Variants in PDSS2 observed in about 807,000 individuals in gnomAD.
PDSS2 encodes the protein decaprenyl diphosphate synthase subunit 2.
In PDSS2, 31 loss-of-function variants were observed where a neutral mutation model predicts 44.5. The observed-to-expected ratio is 0.70, with a 90% confidence interval of 0.52 to 0.94. The LOEUF (loss-of-function observed/expected upper bound fraction) is 0.94. Ranked by LOEUF, PDSS2 falls within the 40% of genes least tolerant of loss-of-function variation. The pLI is 0.00. For synonymous variants in PDSS2, 157 were observed against 180.3 expected (o/e 0.87, Z 1.03); for missense variants, 452 against 482.2 (o/e 0.94, Z 0.59).
chr6:107,419,121 A>AT (rs1003724947), intron 1 of PDSS2, among the ~76,000 whole-genome samples: 2 of 151,704 alleles, frequency 1.3e-5, no homozygotes, highest in East Asian at 3.9e-4. Flanking sequence ...CTCAAATATC[A>AT]TTTTTTTTAA....
At chr6:107,379,958 T>G (rs866626656) in intron 1 of PDSS2, among the ~76,000 whole-genome samples, 4 of 151,592 alleles carry the variant, frequency 2.6e-5, no homozygotes, top group South Asian at 2.1e-4. Context: ...CTATTATCAG[T>G]TTTTTTTGAA....
intron 3 of PDSS2, among the ~76,000 whole-genome samples, chr6:107,253,090 C>T (rs927437895): frequency 5.9e-5 from 9 of 152,206 alleles, no homozygotes; most frequent in African/African-American, 1.2e-4. Flanking sequence ...GGCTGGAGTG[C>T]GGTGGCTTGA....
At chr6:107,311,414 C>T (rs954700125) in intron 2 of PDSS2, among the ~76,000 whole-genome samples, 1 of 151,900 alleles carries the variant, frequency 6.6e-6, no homozygotes, top group Admixed American at 6.6e-5. Context: ...CATTATGTTG[C>T]CCAGGCTAGT....
chr6:107,244,843 A>T (rs1774555018), intron 4 of PDSS2, among the ~76,000 whole-genome samples: 1 of 152,210 alleles, frequency 6.6e-6, no homozygotes. Context: ...ATAATGAAAC[A>T]CTAAGATAGG....
intron 1 of PDSS2, among the ~76,000 whole-genome samples, chr6:107,448,959 C>T (rs1781777373): frequency 6.6e-6 from 1 of 152,156 alleles, no homozygotes; most frequent in African/African-American, 2.4e-5. Context: ...GAAAACTACC[C>T]CCATGATTCA....
In PDSS2 at chr6:107,242,258, A is replaced by AATT. The variant is rs564020485; in HGVS notation, c.702+3287_702+3289dup. Among the ~76,000 whole-genome samples the AATT allele has an allele frequency of 6.6e-4, 100 of 151,736 alleles. 1 individual carries two copies. In the East Asian group the frequency reaches 7.4e-3, roughly 11 times the overall value. On this transcript the variant is annotated intron_variant, in intron 4 of 7. Transcript: ENST00000369037. The stretch of plus-strand genomic sequence containing the variant: ...TTTTTGTTTCCATTCTTTTTGAAAA[A>AATT]ATTATTATTATTATTATTATTTTGA...
chr6:107,432,189 G>A (rs778876645), intron 1 of PDSS2, among the ~76,000 whole-genome samples: 7 of 152,148 alleles, frequency 4.6e-5, no homozygotes, highest in Admixed American at 1.3e-4. Flanking sequence ...ATTTTTCACT[G>A]GGTAATCAAC....
intron 1 of PDSS2, among the ~76,000 whole-genome samples, chr6:107,380,911 C>A (rs1779435462): frequency 6.6e-6 from 1 of 152,188 alleles, no homozygotes; most frequent in African/African-American, 2.4e-5. Flanking sequence ...TACTTTTCTA[C>A]TATTTCTTTC....
At chr6:107,210,806 C>A (rs201738130) in intron 5 of PDSS2, among the ~76,000 whole-genome samples, 1 of 151,742 alleles carries the variant, frequency 6.6e-6, no homozygotes, top group Non-Finnish European at 1.5e-5. Flanking sequence ...GAGTTTGAGA[C>A]CAGCCTGGTC....
At chr6:107,274,442 A>C (rs1185408930) in intron 2 of PDSS2, among the ~76,000 whole-genome samples, 1 of 151,716 alleles carries the variant, frequency 6.6e-6, no homozygotes, top group East Asian at 1.9e-4. Flanking sequence ...AATACTCCTC[A>C]CTCTTCCCCA....
At chr6:107,291,344 T>C (rs1275925058) in intron 2 of PDSS2, among the ~76,000 whole-genome samples, 10 of 114,456 alleles carry the variant, frequency 8.7e-5, no homozygotes, top group Non-Finnish European at 1.4e-4. Context: ...GATTTTATTT[T>C]ATAATTTTTT....
intron 7 of PDSS2, among the ~76,000 whole-genome samples, chr6:107,167,319 G>A (rs1771388465): frequency 6.6e-6 from 1 of 152,150 alleles, no homozygotes; most frequent in Non-Finnish European, 1.5e-5. Flanking sequence ...GGGATCAGTG[G>A]TGATATTCCC....
chr6:107,412,034 C>T (rs1414080891), intron 1 of PDSS2, among the ~76,000 whole-genome samples: 3 of 151,156 alleles, frequency 2.0e-5, no homozygotes, highest in Non-Finnish European at 4.4e-5. Flanking sequence ...TACAGGCACA[C>T]ACCACCACGC....
intron 2 of PDSS2, among the ~76,000 whole-genome samples, chr6:107,301,162 G>A (rs575754685): frequency 9.9e-5 from 15 of 152,218 alleles, no homozygotes; most frequent in East Asian, 3.9e-4. Context: ...ATTGTGATTC[G>A]CGGACTTTTT....
At chr6:107,398,611 A>G (rs925192022) in intron 1 of PDSS2, among the ~76,000 whole-genome samples, 2 of 152,236 alleles carry the variant, frequency 1.3e-5, no homozygotes, top group African/African-American at 4.8e-5. Flanking sequence ...AAGAGATTCA[A>G]CTTGGCTTTT....
chr6:107,165,540 C>A (rs1281343436), intron 7 of PDSS2, among the ~76,000 whole-genome samples: 3 of 152,122 alleles, frequency 2.0e-5, no homozygotes, highest in African/African-American at 4.8e-5. Context: ...GTTTTGGTAC[C>A]AGTACCATGC....
In PDSS2 at chr6:107,459,517, T is replaced by C. The variant is rs1343000076; in HGVS notation, c.-232A>G. ...CAGCACTGCCCCCGGCCACCCGGGGTAGAAACCACAGCCACTGCCTATGTG... is the reference window on the plus strand; with the variant it reads ...CAGCACTGCCCCCGGCCACCCGGGGCAGAAACCACAGCCACTGCCTATGTG... On this transcript the variant is annotated 5_prime_UTR_variant, in exon 1 of 8. Coordinates refer to ENST00000369037, the MANE Select transcript of PDSS2 (RefSeq NM_020381.4). This position sits in a 1 kb window ranked among gnomAD's most constrained non-coding sequence, Gnocchi z 4.3. 1.8e-6 allele frequency: 1 copy of C among 571,328 alleles called. No individual in the cohort carries two copies. The highest frequency in any genetic ancestry group is 1.9e-5 in the African/African-American group (1 of 53,160). The allele number at this position is 571,328 out of a possible 1,614,324, so 35.4% of individuals were successfully genotyped here.
intron 2 of PDSS2, among the ~76,000 whole-genome samples, chr6:107,303,720 A>C (rs1776770997): frequency 6.6e-6 from 1 of 152,146 alleles, no homozygotes; most frequent in Non-Finnish European, 1.5e-5. Context: ...GACCCCACTA[A>C]AAACTATTTA....
At chr6:107,332,384 G>A (rs190929344) in intron 2 of PDSS2, among the ~76,000 whole-genome samples, 4 of 152,200 alleles carry the variant, frequency 2.6e-5, no homozygotes, top group South Asian at 2.1e-4. Context: ...GGGATTATGG[G>A]CATCAGCCAT....
Sources: allele counts gnomAD v4.1 joint callset (sites outside exome capture counted in the v4.1 genomes callset), GRCh38; gene constraint gnomAD v4.1.1; non-coding constraint Gnocchi (gnomAD v3.1); transcripts MANE v1.5; gene names NCBI Gene and HGNC (gene_info 2026-07-23, HGNC 2026-07-21).